GREM1: variants seen among roughly 807,000 people sequenced by gnomAD.
The protein encoded by GREM1 is gremlin 1, DAN family BMP antagonist.
GREM1 carries 6 observed loss-of-function variants against 13.1 expected under a neutral mutation model. That is an observed-to-expected ratio of 0.46 (90% CI 0.25 to 0.91). The LOEUF is 0.91. GREM1 is among the 40% of genes least tolerant of loss of function. GREM1 has a pLI of 0.18. For synonymous variants in GREM1, 98 were observed against 93.7 expected (o/e 1.05, Z -0.27); for missense variants, 185 against 233.9 (o/e 0.79, Z 1.36).
intron 1 of GREM1, among the ~76,000 whole-genome samples, chr15:32,729,168 C>T (rs980306789): frequency 6.1e-5 from 9 of 148,280 alleles, no homozygotes; most frequent in Non-Finnish European, 1.4e-4. Context: ...GCACTACAGG[C>T]GCCCGCCACT....
At position 32,739,707 on chromosome 15, in the gene GREM1, A is replaced by AGCAAAT. The variant is rs2140768115; in HGVS notation, c.*8468_*8473dup. On this transcript the variant is annotated 3_prime_UTR_variant, in exon 2 of 2. Coordinates refer to ENST00000651154, the MANE Select transcript of GREM1 (RefSeq NM_013372.7). Reference sequence around the variant, plus strand: ...GAAACTAAAAGGCTCCTGCACTCCCAGCAAATGCAAAAACCAGACTCACCA... The same window carrying AGCAAAT: ...GAAACTAAAAGGCTCCTGCACTCCCAGCAAATGCAAATGCAAAAACCAGACTCACCA... The AGCAAAT allele has an allele frequency of 6.6e-6, 1 of 152,410 alleles. No individual in the cohort carries two copies. Among genetic ancestry groups the AGCAAAT allele is most frequent in the East Asian group, 1.9e-4 (1 of 5,184 alleles). 9.4% of individuals were successfully genotyped at this position (152,410 alleles called of 1,614,324 possible). A position where few individuals can be genotyped will look rare whatever the true frequency, so the allele number is the denominator to read the frequency against.
At chr15:32,722,769 G>A (rs1235324114) in intron 1 of GREM1, among the ~76,000 whole-genome samples, 1 of 152,188 alleles carries the variant, frequency 6.6e-6, no homozygotes, top group Non-Finnish European at 1.5e-5. Flanking sequence ...GAATGAAAGA[G>A]AGGATAGAGG....
In GREM1 at chr15:32,732,081, C is replaced by G. The variant is rs996456448; in HGVS notation, c.*836C>G. ...TTGCCAGAAAGTGATTAACTTTGGC[C>G]GTTGCAATCTGCTCAAACCTAACAC... is the stretch of plus-strand genomic sequence containing the variant. On this transcript the variant is annotated 3_prime_UTR_variant, in exon 2 of 2. Transcript: ENST00000651154. 4.2e-6 allele frequency: 1 copy of G among 238,254 alleles called. No homozygotes were observed. Among genetic ancestry groups the G allele is most frequent in the African/African-American group, 2.2e-5 (1 of 44,784 alleles). 14.8% of individuals were successfully genotyped at this position (238,254 alleles called of 1,614,324 possible).
intron 1 of GREM1, among the ~76,000 whole-genome samples, chr15:32,727,045 C>T (rs1268092959): frequency 6.6e-6 from 1 of 152,098 alleles, no homozygotes; most frequent in African/African-American, 2.4e-5. Flanking sequence ...AAGCCCAGGA[C>T]CAGACAGATT....
At position 32,734,904 on chromosome 15, in the gene GREM1, A is replaced by G. The variant is rs1327222679; in HGVS notation, c.*3659A>G. 1 of 167,664 alleles carries G rather than the reference A, an allele frequency of 6.0e-6. No individual in the cohort carries two copies. The highest frequency in any genetic ancestry group is 6.4e-5 in the Admixed American group (1 of 15,630). The allele number at this position is 167,664 out of a possible 1,614,324, so 10.4% of individuals were successfully genotyped here. On this transcript the variant is annotated 3_prime_UTR_variant, in exon 2 of 2. Transcript: ENST00000651154. ...GTACCAGCCTCTTCCCTAGAGCACA[A>G]CTAGAAAGAAGAACTATAGAGTGTT...
intron 1 of GREM1, among the ~76,000 whole-genome samples, chr15:32,721,920 A>G (rs763479163): frequency 6.6e-6 from 1 of 152,152 alleles, no homozygotes; most frequent in Non-Finnish European, 1.5e-5. Flanking sequence ...TAACTTTCCT[A>G]AGAAAATCTT....
rs2140694713 is a variant in GREM1 at position 32,732,356 on chromosome 15, TGATA to T, written c.*1112_*1115del. ...TGCTTCTGAGAGCCACTAACTTGAT[TGATA>T]AAGATCCTGCCTCTGCTGAGTGTAC... On this transcript the variant is annotated 3_prime_UTR_variant, in exon 2 of 2. Transcript: ENST00000651154. 4.1e-6 allele frequency: 1 copy of T among 243,100 alleles called. No individual in the cohort carries two copies. Among genetic ancestry groups the T allele is most frequent in the East Asian group, 6.3e-5 (1 of 15,906 alleles). 15.1% of individuals were successfully genotyped at this position (243,100 alleles called of 1,614,324 possible). A position where few individuals can be genotyped will look rare whatever the true frequency, so the allele number is the denominator to read the frequency against.
At chr15:32,722,374 T>G (rs897659681) in intron 1 of GREM1, among the ~76,000 whole-genome samples, 2 of 152,202 alleles carry the variant, frequency 1.3e-5, no homozygotes, top group East Asian at 1.9e-4. Context: ...TGACCAGAAG[T>G]CCATGCACAG....
chr15:32,727,694 T>A (rs1343378109), intron 1 of GREM1, among the ~76,000 whole-genome samples: 1 of 152,112 alleles, frequency 6.6e-6, no homozygotes, highest in Non-Finnish European at 1.5e-5. Context: ...AGAGAGGAAG[T>A]CAAATTGTCT....
chr15:32,727,918 CA>C (rs2055542868), intron 1 of GREM1, among the ~76,000 whole-genome samples: 1 of 152,098 alleles, frequency 6.6e-6, no homozygotes, highest in Admixed American at 6.6e-5. Flanking sequence ...CCTAGGAATC[CA>C]ACTTACAAGG....
intron 1 of GREM1, among the ~76,000 whole-genome samples, chr15:32,729,484 C>T (rs944257650): frequency 1.3e-5 from 2 of 152,216 alleles, no homozygotes; most frequent in African/African-American, 4.8e-5. Context: ...TTTACTACCT[C>T]CCCTGAACAT....
Position 32,737,513 on chromosome 15 carries a change from A to G in GREM1, c.*6268A>G, listed in dbSNP as rs2055709860. ...ATAGAATAAAGACAGAAACCACACA[A>G]TCATCTCGATACACGCAGAAAAATC... On this transcript the variant is annotated 3_prime_UTR_variant, in exon 2 of 2. Coordinates refer to ENST00000651154, the MANE Select transcript of GREM1 (RefSeq NM_013372.7). 1.3e-5 allele frequency: 2 copies of G among 152,166 alleles called. No homozygotes were observed. Among genetic ancestry groups the G allele is most frequent in the South Asian group, 2.1e-4 (1 of 4,828 alleles). The allele number at this position is 152,166 out of a possible 1,614,324, so 9.4% of individuals were successfully genotyped here.
In GREM1 at chr15:32,730,972, C is replaced by T; in HGVS notation, c.282C>T (p.Cys94=). 6.2e-7 allele frequency: 1 copy of T among 1,614,174 alleles called. No homozygotes were observed. The highest frequency in any genetic ancestry group is 8.5e-7 in the Non-Finnish European group (1 of 1,180,036). Residue 94 remains cysteine (C), a synonymous_variant, in exon 2 of 2, where the codon TGC becomes TGT. Transcript: ENST00000651154. ...TERKYLKRDW[C]KTQPLKQTIH... ...GCAAATACCTGAAGCGAGACTGGTG[C>T]AAAACCCAGCCGCTTAAGCAGACCA...
intron 1 of GREM1, among the ~76,000 whole-genome samples, chr15:32,722,889 T>A (rs2055433030): frequency 6.6e-6 from 1 of 152,162 alleles, no homozygotes; most frequent in African/African-American, 2.4e-5. Flanking sequence ...ACTGCATTGA[T>A]GGGAAGTTGA....
chr15:32,722,296 T>C (rs1295006654), intron 1 of GREM1, among the ~76,000 whole-genome samples: 1 of 152,252 alleles, frequency 6.6e-6, no homozygotes, highest in Non-Finnish European at 1.5e-5. Context: ...CTATTTCTTA[T>C]GCTGAGAGAA....
chr15:32,727,362 T>C lies in GREM1; in HGVS notation c.-1-3328T>C, dbSNP rs28768389. On this transcript the variant is annotated intron_variant, in intron 1 of 1. Transcript: ENST00000651154. The stretch of plus-strand genomic sequence containing the variant: ...AACATACGCAAATCAATAAACGTAA[T>C]CAATCACATACACAGAACCAATGAC... 0.066 allele frequency among the ~76,000 whole-genome samples: 10,092 copies of C among 152,254 alleles called. 421 individuals carry two copies. Among genetic ancestry groups the C allele is most frequent in the Non-Finnish European group, 0.1 (6,768 of 68,008 alleles).
chr15:32,725,920 C>T (rs958398752), intron 1 of GREM1, among the ~76,000 whole-genome samples: 1 of 152,134 alleles, frequency 6.6e-6, no homozygotes, highest in Non-Finnish European at 1.5e-5. Context: ...TTGTTTTTGT[C>T]AGGTTTGTCA....
chr15:32,727,974 G>C (rs893658419), intron 1 of GREM1, among the ~76,000 whole-genome samples: 15 of 152,238 alleles, frequency 9.9e-5, no homozygotes, highest in Admixed American at 9.2e-4. Context: ...CACTGCTCAA[G>C]GTAATAAGAG....
chr15:32,721,772 G>A (rs985302226), intron 1 of GREM1, among the ~76,000 whole-genome samples: 5 of 152,146 alleles, frequency 3.3e-5, no homozygotes, highest in Admixed American at 6.5e-5. Flanking sequence ...ACCACACTAC[G>A]CAGTGACTAA....
Sources: allele counts gnomAD v4.1 joint callset (sites outside exome capture counted in the v4.1 genomes callset), GRCh38; gene constraint gnomAD v4.1.1; transcripts MANE v1.5; gene names NCBI Gene and HGNC (gene_info 2026-07-23, HGNC 2026-07-21).